The following SLC13A3 variants were observed in gnomAD, a reference collection of about 807,000 sequenced individuals.
SLC13A3 encodes the protein Na(+)/dicarboxylate cotransporter 3.
A neutral mutation model predicts 59.0 loss-of-function variants in SLC13A3; 40 were observed. The observed-to-expected ratio is 0.68, with a 90% CI of 0.53 to 0.88. The LOEUF (loss-of-function observed/expected upper bound fraction) is 0.88, where lower values mean the gene tolerates loss of function less well. Ranked by LOEUF, SLC13A3 falls within the 40% of genes least tolerant of loss-of-function variation. The pLI is 0.00. For synonymous variants in SLC13A3, 317 were observed against 330.3 expected (o/e 0.96, Z 0.44); for missense variants, 699 against 783.2 (o/e 0.89, Z 1.28).
Position 46,656,904 on chromosome 20 carries a change from C to T in SLC13A3, c.-31+13139G>A, listed in dbSNP as rs575584264. Among the ~76,000 whole-genome samples the T allele has an allele frequency of 2.5e-4, 38 of 152,164 alleles. No homozygotes were observed. The South Asian group carries it at 5.2e-3, about 21-fold the overall frequency. On this transcript the variant is annotated intron_variant, in intron 1 of 12. Transcript: ENST00000290317. ...TGCCTTCTCCATTTGCTGTTGAACCCATCCGTTGTATAATATTCTTCAGTT... is the reference window on the plus strand; with the variant it reads ...TGCCTTCTCCATTTGCTGTTGAACCTATCCGTTGTATAATATTCTTCAGTT...
At chr20:46,581,520 G>A (rs1243165255) in intron 9 of SLC13A3, among the ~76,000 whole-genome samples, 2 of 152,214 alleles carry the variant, frequency 1.3e-5, no homozygotes, top group Non-Finnish European at 2.9e-5. Context: ...TGACTGGGCT[G>A]AAGTTGGGTG....
intron 1 of SLC13A3, among the ~76,000 whole-genome samples, chr20:46,635,746 G>A (rs1222087595): frequency 1.6e-4 from 24 of 152,156 alleles, no homozygotes; most frequent in Admixed American, 1.6e-3. Flanking sequence ...AATGAGATAG[G>A]AGGTCAGCAG....
chr20:46,679,668 G>T (rs1300816309), intron 1 of SLC13A3, among the ~76,000 whole-genome samples: 1 of 152,118 alleles, frequency 6.6e-6, no homozygotes, highest in African/African-American at 2.4e-5. Context: ...AGCATTTTGG[G>T]AGGCCAAGGC....
Position 46,588,148 on chromosome 20 carries a change from A to G in SLC13A3, c.1032T>C (p.Ala344=), listed in dbSNP as rs1453244795. The G allele has an allele frequency of 6.2e-7, 1 of 1,611,362 alleles. No individual in the cohort carries two copies. Residue 344 remains alanine (A), a synonymous_variant, in exon 8 of 13, where the codon GCT becomes GCC. Coordinates refer to ENST00000279027, the MANE Select transcript of SLC13A3 (RefSeq NM_022829.6). ...CAAACATGCAGAAAAGGATGAAAACAGCCTGTTCGGCAAACCTGTGGCACA... is the reference window on the plus strand; with the variant it reads ...CAAACATGCAGAAAAGGATGAAAACGGCCTGTTCGGCAAACCTGTGGCACA... ...NLGPIKFAEQ[A]VFILFCMFAI...
chr20:46,656,018 G>GTATAC (rs1568960117), upstream of SLC13A3, among the ~76,000 whole-genome samples: 7 of 138,692 alleles, frequency 5.0e-5, no homozygotes, highest in African/African-American at 1.9e-4. Flanking sequence ...TATATATACA[G>GTATAC]TATATATACA....
chr20:46,566,805 AATT>A (rs1455926234), intron 10 of SLC13A3, among the ~76,000 whole-genome samples: 3 of 149,882 alleles, frequency 2.0e-5, no homozygotes, highest in Non-Finnish European at 3.0e-5. Context: ...TTATTTTTAT[AATT>A]ATTATTTAAT....
At chr20:46,582,867 C>T in intron 9 of SLC13A3, 3 of 985,430 alleles carry the variant, frequency 3.0e-6, no homozygotes, top group Non-Finnish European at 3.6e-6. Flanking sequence ...CTGCTGGACA[C>T]CGGAGGGAGT....
chr20:46,561,660 GT>G (rs11479853), intron 12 of SLC13A3, among the ~76,000 whole-genome samples: 26,151 of 140,242 alleles, frequency 0.19, 2,479 homozygotes, highest in East Asian at 0.31. Context: ...GTTTTTTTTT[GT>G]TTTTTTTTTT....
intron 1 of SLC13A3, among the ~76,000 whole-genome samples, chr20:46,639,440 C>G (rs1568951356): frequency 6.6e-6 from 1 of 152,110 alleles, no homozygotes; most frequent in Non-Finnish European, 1.5e-5. Context: ...GCCTGGGCAA[C>G]AGAGTGAGAC....
At chr20:46,631,950 G>A (rs1257748113) in intron 1 of SLC13A3, among the ~76,000 whole-genome samples, 1 of 152,172 alleles carries the variant, frequency 6.6e-6, no homozygotes, top group Non-Finnish European at 1.5e-5. Context: ...GGACCCTGGG[G>A]CAGGAATTTT....
At chr20:46,644,625 C>A in intron 1 of SLC13A3, among the ~76,000 whole-genome samples, 1 of 152,178 alleles carries the variant, frequency 6.6e-6, no homozygotes. Context: ...AGCTGGGGAA[C>A]TGGGTTCAGA....
Position 46,580,027 on chromosome 20 carries a change from G to A in SLC13A3, c.1219+3545C>T, listed in dbSNP as rs141490529. ...TTCAACCAGCCTGGAGTGCAGTGGC[G>A]TGATCTCGGCTCACTGCAACCGGGT... On this transcript the variant is annotated intron_variant, in intron 9 of 12. Transcript: ENST00000279027. 5.7e-3 allele frequency among the ~76,000 whole-genome samples: 869 copies of A among 152,056 alleles called. 4 individuals carry two copies. The highest frequency in any genetic ancestry group is 0.031 in the Middle Eastern group (9 of 294).
intron 1 of SLC13A3, among the ~76,000 whole-genome samples, chr20:46,615,451 C>T (rs2062545720): frequency 6.6e-6 from 1 of 152,092 alleles, no homozygotes; most frequent in African/African-American, 2.4e-5. Flanking sequence ...ACCACGGAGA[C>T]CCATCAGACA....
At chr20:46,611,636 C>G (rs565980221) in intron 2 of SLC13A3, among the ~76,000 whole-genome samples, 1 of 152,152 alleles carries the variant, frequency 6.6e-6, no homozygotes, top group Non-Finnish European at 1.5e-5. Flanking sequence ...AAATTACTCT[C>G]AAATCTATCC....
intron 9 of SLC13A3, among the ~76,000 whole-genome samples, chr20:46,579,719 T>G (rs2062115983): frequency 6.6e-6 from 1 of 152,246 alleles, no homozygotes; most frequent in Non-Finnish European, 1.5e-5. Context: ...CTACTGTTGT[T>G]GGCCCACATA....
rs1286219132 is a variant in SLC13A3, at chr20:46,610,585, G to A, written c.402C>T (p.Thr134=). 2 of 1,613,732 alleles carry A rather than the reference G, an allele frequency of 1.2e-6. No homozygotes were observed. Among genetic ancestry groups the A allele is most frequent in the Non-Finnish European group, 1.7e-6 (2 of 1,179,860 alleles). ...TCAGCCACATGGACAAGAACGAGGTGGTCACCATCATCCCCAGGATGAGCC... is the reference window on the plus strand; with the variant it reads ...TCAGCCACATGGACAAGAACGAGGTAGTCACCATCATCCCCAGGATGAGCC... ...PARLILGMMV[T]TSFLSMWLSN... The change falls in exon 3 of 13, where the codon ACC becomes ACT. Residue 134 remains threonine, a synonymous_variant. Coordinates refer to ENST00000279027, the MANE Select transcript of SLC13A3 (RefSeq NM_022829.6).
At chr20:46,669,530 T>A (rs542133056) in intron 1 of SLC13A3, among the ~76,000 whole-genome samples, 1 of 152,260 alleles carries the variant, frequency 6.6e-6, no homozygotes, top group Admixed American at 6.5e-5. Flanking sequence ...AACCCTCAAC[T>A]AGACTGTTCC....
At chr20:46,566,415 A>C (rs371962056) in intron 10 of SLC13A3, 25 bp from the exon 11 acceptor site, 1 of 1,604,522 alleles carries the variant, frequency 6.2e-7, no homozygotes, top group African/African-American at 1.3e-5. Flanking sequence ...GCATTCCTTC[A>C]TACCCCAGCC....
intron 3 of SLC13A3, among the ~76,000 whole-genome samples, chr20:46,604,767 G>C (rs1198884299): frequency 6.6e-6 from 1 of 152,182 alleles, no homozygotes; most frequent in Non-Finnish European, 1.5e-5. Context: ...CTGGGAACAG[G>C]TCCACAAGCC....
Sources: allele counts gnomAD v4.1 joint callset (sites outside exome capture counted in the v4.1 genomes callset), GRCh38; gene constraint gnomAD v4.1.1; transcripts MANE v1.5; gene names NCBI Gene and HGNC (gene_info 2026-07-23, HGNC 2026-07-21).